Variants in ASXL1 observed in about 807,000 individuals in gnomAD.
ASXL1 encodes ASXL transcriptional regulator 1, also known as polycomb group protein ASXL1.
A neutral mutation model predicts 89.1 loss-of-function variants in ASXL1; 65 were observed. The ratio of observed to expected loss-of-function variants is 0.73; its 90% CI spans 0.60 to 0.90. The LOEUF is 0.90. ASXL1 is among the 40% of genes least tolerant of loss of function. ASXL1 has a pLI of 0.00. For missense variants in ASXL1, 1,786 were observed against 1,942.9 expected, an observed-to-expected ratio of 0.92 and a Z score of 1.52; for synonymous variants, 739 against 746.9, an observed-to-expected ratio of 0.99 and a Z score of 0.17.
chr20:32,359,005 C>T (rs1468897198), intron 1 of ASXL1, 173 bp downstream of exon 1: 7 of 710,278 alleles, frequency 9.9e-6, no homozygotes, highest in African/African-American at 1.8e-5. Flanking sequence ...AGCGCTCCGC[C>T]GGGATGGGAT....
intron 4 of ASXL1, among the ~76,000 whole-genome samples, chr20:32,380,207 G>A (rs1011097425): frequency 5.3e-5 from 8 of 152,110 alleles, no homozygotes; most frequent in Non-Finnish European, 1.2e-4. Context: ...CCTTGAACCC[G>A]GGAGGCGGAG....
chr20:32,415,404 A>G (rs888298958), intron 4 of ASXL1, among the ~76,000 whole-genome samples: 1 of 152,018 alleles, frequency 6.6e-6, no homozygotes, highest in Admixed American at 6.6e-5. Flanking sequence ...CTGTTCCAGA[A>G]CTTCCGTGGT....
intron 4 of ASXL1, among the ~76,000 whole-genome samples, chr20:32,413,154 C>T (rs1202454462): frequency 6.6e-6 from 1 of 151,590 alleles, no homozygotes; most frequent in African/African-American, 2.4e-5. Context: ...GAGCAAAATA[C>T]TCTCTGAGGC....
chr20:32,383,042 C>T (rs2048516091), intron 4 of ASXL1, among the ~76,000 whole-genome samples: 2 of 152,058 alleles, frequency 1.3e-5, no homozygotes, highest in South Asian at 4.1e-4. Context: ...GAGGTTAGAA[C>T]CCAGGACCCA....
chr20:32,422,433 C>A (rs1483956580), intron 4 of ASXL1, among the ~76,000 whole-genome samples: 2 of 145,768 alleles, frequency 1.4e-5, no homozygotes, highest in Non-Finnish European at 3.0e-5. Flanking sequence ...GAAAATTTAA[C>A]ATTAATGCAG....
chr20:32,428,652 CTTTTTTTTTTTTTTT>C (rs35966674), intron 6 of ASXL1: 7 of 146,486 alleles, frequency 4.8e-5, no homozygotes, highest in South Asian at 2.7e-4. Context: ...TTTGTTCATT[CTTTTTTTTTTTTTTT>C]TTTTTTTTTT....
chr20:32,374,844 A>G (rs1443230328), intron 4 of ASXL1, among the ~76,000 whole-genome samples: 1 of 152,180 alleles, frequency 6.6e-6, no homozygotes, highest in Non-Finnish European at 1.5e-5. Context: ...GTGGTGTTAA[A>G]TACATATATA....
In ASXL1 at chr20:32,435,439, AC is replaced by A. The variant is rs1331569939; in HGVS notation, c.2728del (p.Gln910SerfsTer35). 1 of 1,614,122 alleles carries A rather than the reference AC, an allele frequency of 6.2e-7. No homozygotes were observed. Among genetic ancestry groups the A allele is most frequent in the Non-Finnish European group, 8.5e-7 (1 of 1,180,028 alleles). On this transcript the variant is annotated frameshift_variant, in exon 13 of 13. Transcript: ENST00000375687. LOFTEE classifies it low-confidence loss of function (END_TRUNC). ...TCCCATCGAATGATGAGGTAGTGAA[AC>A]AGCCCAAACCAGAATCCAGAGAACA... is the stretch of plus-strand genomic sequence containing the variant. Reference protein sequence around the residue: ...PIPSNDEVVKQPKPESREHIP... With the variant: ...PIPSNDEVVKXPKPESREHIP...
chr20:32,423,233 T>G (rs2123177681), intron 4 of ASXL1, among the ~76,000 whole-genome samples: 1 of 152,120 alleles, frequency 6.6e-6, no homozygotes, highest in African/African-American at 2.4e-5. Context: ...ATTTTTTTTT[T>G]TAATTTTTTA....
chr20:32,422,628 C>T (rs1434771383), intron 4 of ASXL1, among the ~76,000 whole-genome samples: 1 of 146,792 alleles, frequency 6.8e-6, no homozygotes, highest in Non-Finnish European at 1.5e-5. Context: ...GCACTGTCTC[C>T]CAGGCTGGAG....
At chr20:32,428,676 T>A (rs939971404) in intron 6 of ASXL1, 13 of 423,030 alleles carry the variant, frequency 3.1e-5, no homozygotes, top group African/African-American at 2.8e-4. Context: ...TTTTTTTTTT[T>A]TTTGAGATGG....
chr20:32,418,055 G>A (rs2049168150), intron 4 of ASXL1, among the ~76,000 whole-genome samples: 1 of 152,064 alleles, frequency 6.6e-6, no homozygotes, highest in Non-Finnish European at 1.5e-5. Context: ...GCAGGCGCCT[G>A]TAACCCCAGC....
At chr20:32,420,568 T>C (rs750265795) in intron 4 of ASXL1, among the ~76,000 whole-genome samples, 5 of 152,240 alleles carry the variant, frequency 3.3e-5, no homozygotes, top group Admixed American at 1.3e-4. Context: ...GAAACACTTA[T>C]TTGTATTAAT....
intron 10 of ASXL1, 67 bp downstream of exon 10, chr20:32,431,746 G>T: frequency 6.5e-7 from 1 of 1,529,094 alleles, no homozygotes; most frequent in Non-Finnish European, 9.0e-7. Context: ...ATGTCTCCTG[G>T]TATTTAAAAC....
Position 32,436,491 on chromosome 20 carries a change from G to C in ASXL1, c.3779G>C (p.Gly1260Ala). ...SQDSNSNAAP[G>A]KSPGDLTTSR... ...GACAGTAATTCAAATGCTGCTCCAGGAAAGAGCCCAGGAGATCTTACTACC... is the reference window on the plus strand; with the variant it reads ...GACAGTAATTCAAATGCTGCTCCAGCAAAGAGCCCAGGAGATCTTACTACC... Residue 1260 changes from glycine (G) to alanine (A), a missense_variant, in exon 13 of 13, where the codon GGA (glycine) becomes GCA (alanine). Coordinates refer to ENST00000375687, the MANE Select transcript of ASXL1 (RefSeq NM_015338.6). 1.9e-6 allele frequency: 3 copies of C among 1,614,210 alleles called. No homozygotes were observed. Among genetic ancestry groups the C allele is most frequent in the Non-Finnish European group, 2.5e-6 (3 of 1,180,034 alleles).
chr20:32,430,265 C>CATA (rs1469108065), intron 8 of ASXL1: 92 of 655,154 alleles, frequency 1.4e-4, no homozygotes, highest in Non-Finnish European at 2.1e-4. Flanking sequence ...GAGATGATGC[C>CATA]ATACTGTTTC....
intron 4 of ASXL1, among the ~76,000 whole-genome samples, chr20:32,414,221 A>C (rs1482859785): frequency 1.3e-5 from 2 of 151,522 alleles, no homozygotes; most frequent in Non-Finnish European, 2.9e-5. Flanking sequence ...TTTGGGGAAA[A>C]TTTCTTGTAT....
intron 1 of ASXL1, chr20:32,359,518 C>T (rs1186184284): frequency 3.1e-6 from 2 of 646,070 alleles, no homozygotes; most frequent in African/African-American, 3.6e-5. Flanking sequence ...CACCAGCTTC[C>T]CAGGTGATTC....
chr20:32,369,937 T>C (rs1448898754), intron 4 of ASXL1, among the ~76,000 whole-genome samples: 1 of 151,914 alleles, frequency 6.6e-6, no homozygotes, highest in Non-Finnish European at 1.5e-5. Flanking sequence ...GCCAGGCTCG[T>C]CTTGAACTCC....
Sources: gnomAD v4.1 joint callset for allele counts (sites outside exome capture counted in the v4.1 genomes callset) on GRCh38, gnomAD v4.1.1 for gene constraint, MANE v1.5 for transcripts, NCBI Gene and HGNC (gene_info 2026-07-23, HGNC 2026-07-21) for gene names.